SHPRH: variants seen among roughly 807,000 people sequenced by gnomAD.
SHPRH encodes E3 ubiquitin-protein ligase SHPRH.
SHPRH carries 106 observed loss-of-function variants against 202.5 expected under a neutral mutation model. That is an observed-to-expected ratio of 0.52 (90% CI 0.45 to 0.62). The LOEUF is 0.62. Among genes scored for constraint, SHPRH ranks in the 20% least tolerant of loss-of-function variants. The pLI, the probability that SHPRH is intolerant of heterozygous loss-of-function variation, is 0.00. For missense variants in SHPRH, 1,710 were observed against 2,020.0 expected (o/e 0.85, Z 2.94); for synonymous variants, 729 against 686.0 (o/e 1.06, Z -0.98).
chr6:145,895,003 A>G (rs777332635), intron 25 of SHPRH, 26 bp from the exon 26 acceptor site: 3 of 1,596,238 alleles, frequency 1.9e-6, no homozygotes, highest in Non-Finnish European at 8.6e-7. Flanking sequence ...CAAAATACAC[A>G]TTACTACTAA....
chr6:145,950,498 C>A lies in SHPRH; in HGVS notation c.764-16G>T. 6.2e-7 allele frequency: 1 copy of A among 1,605,420 alleles called. No individual in the cohort carries two copies. On this transcript the variant is annotated splice_polypyrimidine_tract_variant and intron_variant, in intron 3 of 29. Coordinates refer to ENST00000275233, the MANE Select transcript of SHPRH (RefSeq NM_001042683.3). ...TCCAACACATCTGTACATCACACAG[C>A]AAATGTACTCAAAAACTGATAGGTT...
At chr6:145,868,929 T>C (rs992363009) in intron 2 of SHPRH, among the ~76,000 whole-genome samples, 2 of 152,240 alleles carry the variant, frequency 1.3e-5, no homozygotes, top group Admixed American at 1.3e-4. Flanking sequence ...GCCTCTCATA[T>C]TTATTTCATG....
intron 1 of SHPRH, among the ~76,000 whole-genome samples, chr6:145,958,358 TTTAATA>T (rs1193734954): frequency 9.9e-5 from 15 of 152,112 alleles, no homozygotes; most frequent in African/African-American, 3.6e-4. Context: ...ATTTAGAAAT[TTTAATA>T]TTAAGTATAA....
intron 2 of SHPRH, among the ~76,000 whole-genome samples, chr6:145,870,087 T>C (rs1215790113): frequency 6.6e-6 from 1 of 151,956 alleles, no homozygotes; most frequent in Non-Finnish European, 1.5e-5. Flanking sequence ...TACCTAAGTA[T>C]TTCATTTTTG....
At chr6:145,889,648 T>G (rs953797643) in intron 28 of SHPRH, among the ~76,000 whole-genome samples, 3 of 152,166 alleles carry the variant, frequency 2.0e-5, no homozygotes, top group African/African-American at 7.2e-5. Context: ...TAAATAAATT[T>G]CATGTTTAGA....
intron 16 of SHPRH, 71 bp downstream of exon 16, chr6:145,926,133 T>C: frequency 7.9e-7 from 1 of 1,261,196 alleles, no homozygotes; most frequent in Non-Finnish European, 1.2e-6. Flanking sequence ...TGTCCTAGGA[T>C]ATATCAACTA....
intron 25 of SHPRH, among the ~76,000 whole-genome samples, chr6:145,900,890 G>A (rs369349104): frequency 6.6e-6 from 1 of 151,892 alleles, no homozygotes; most frequent in African/African-American, 2.4e-5. Context: ...TTTTTTATCC[G>A]TGGTTAACTG....
Position 145,955,283 on chromosome 6 carries a change from C to T in SHPRH, c.40G>A (p.Asp14Asn), listed in dbSNP as rs754645622. 1.2e-6 allele frequency: 2 copies of T among 1,608,630 alleles called. No individual in the cohort carries two copies. The highest frequency in any genetic ancestry group is 1.7e-6 in the Non-Finnish European group (2 of 1,178,582). ...TGAAGCTGCTGCCTCTTTTCCTCAT[C>T]TACCCTCACTGGAGGAGCACGTTTC... ...RRKRAPPVRV[D>N]EEKRQQLHWN... is the part of the protein sequence containing the mutation. The change falls in exon 2 of 30, where the codon GAT (aspartate) becomes AAT (asparagine). Residue 14 changes from aspartate to asparagine, a missense_variant. Around this residue, in one of 8 missense-constraint regions of SHPRH, gnomAD observed 459 missense variants for 426.5 expected, o/e 1.08. Coordinates refer to ENST00000275233, the MANE Select transcript of SHPRH (RefSeq NM_001042683.3).
chr6:145,942,147 T>TA (rs2128780696), intron 9 of SHPRH, among the ~76,000 whole-genome samples: 1 of 152,268 alleles, frequency 6.6e-6, no homozygotes, highest in South Asian at 2.1e-4. Context: ...ACAGAGGAGT[T>TA]AAAACCTGAG....
intron 25 of SHPRH, among the ~76,000 whole-genome samples, chr6:145,897,257 C>G (rs1277564994): frequency 6.6e-6 from 1 of 151,860 alleles, no homozygotes. Context: ...GACTTATGAA[C>G]AACTATACGC....
intron 1 of SHPRH, among the ~76,000 whole-genome samples, chr6:145,961,905 A>G (rs1789127513): frequency 6.6e-6 from 1 of 152,250 alleles, no homozygotes; most frequent in African/African-American, 2.4e-5. Flanking sequence ...TATTTGGTCA[A>G]ATATACTTAT....
chr6:145,910,891 T>C (rs561991420), intron 24 of SHPRH, among the ~76,000 whole-genome samples: 12 of 152,282 alleles, frequency 7.9e-5, no homozygotes, highest in Admixed American at 7.2e-4. Context: ...TTCTCATTTC[T>C]GTATTTGGGA....
chr6:145,890,386 T>A (rs572841169), intron 28 of SHPRH, among the ~76,000 whole-genome samples: 32 of 152,324 alleles, frequency 2.1e-4, no homozygotes, highest in African/African-American at 7.5e-4. Context: ...TTGATCTCCA[T>A]GTTGCTAAAT....
At chr6:145,863,601 G>C (rs1189678508), downstream of SHPRH, among the ~76,000 whole-genome samples, 1 of 152,200 alleles carries the variant, frequency 6.6e-6, no homozygotes, top group East Asian at 1.9e-4. Flanking sequence ...AAGTTGAGAG[G>C]ACAGTGAGCT....
Position 145,955,370 on chromosome 6 carries a change from A to C in SHPRH, c.-32-16T>G. 6.5e-7 allele frequency: 1 copy of C among 1,545,404 alleles called. No individual in the cohort carries two copies. Among genetic ancestry groups the C allele is most frequent in the Non-Finnish European group, 8.7e-7 (1 of 1,152,488 alleles). ...ACTGTGAACTCTAGAGGACAAATGA[A>C]ACAACAGGAGGTATAACAAGAGATG... On this transcript the variant is annotated splice_polypyrimidine_tract_variant and intron_variant, in intron 1 of 29. Coordinates refer to ENST00000275233, the MANE Select transcript of SHPRH (RefSeq NM_001042683.3).
chr6:145,904,499 G>C (rs765433038), intron 25 of SHPRH: 6 of 152,194 alleles, frequency 3.9e-5, no homozygotes, highest in Non-Finnish European at 8.8e-5. Context: ...GTTTCAAAGA[G>C]TCACAAGAGA....
chr6:145,922,732 G>A lies in SHPRH; in HGVS notation c.3650C>T (p.Pro1217Leu). The A allele has an allele frequency of 6.2e-7, 1 of 1,612,076 alleles. No homozygotes were observed. Among genetic ancestry groups the A allele is most frequent in the South Asian group, 1.1e-5 (1 of 90,992 alleles). Residue 1217 changes from proline to leucine, a missense_variant, in exon 19 of 30, where the codon CCT (proline) becomes CTT (leucine). Transcript: ENST00000275233. ...AGACTCAATAACATTACGAGATGGAGGTCCCTCCAGGTTTTTTACAGCCTC... is the reference window on the plus strand; with the variant it reads ...AGACTCAATAACATTACGAGATGGAAGTCCCTCCAGGTTTTTTACAGCCTC... ...VREAVKNLEG[P>L]PSRNVIESAT...
downstream of SHPRH, among the ~76,000 whole-genome samples, chr6:145,881,808 G>A (rs548016976): frequency 1.3e-5 from 2 of 152,160 alleles, no homozygotes; most frequent in Admixed American, 1.3e-4. Context: ...ATGGAAGAAA[G>A]GAAGGGAAAA....
intron 14 of SHPRH, among the ~76,000 whole-genome samples, chr6:145,932,510 T>A (rs1051468595): frequency 6.6e-6 from 1 of 151,704 alleles, no homozygotes; most frequent in African/African-American, 2.4e-5. Flanking sequence ...ATACGTTCTG[T>A]GTGTGTGTGT....
Sources: allele counts gnomAD v4.1 joint callset (sites outside exome capture counted in the v4.1 genomes callset), GRCh38; gene constraint gnomAD v4.1.1; regional missense constraint gnomAD v4.1.1; transcripts MANE v1.5; gene names NCBI Gene and HGNC (gene_info 2026-07-23, HGNC 2026-07-21).